The following ARHGAP15 variants were observed in gnomAD, a reference collection of about 807,000 sequenced individuals.
ARHGAP15 encodes the protein Rho GTPase activating protein 15.
ARHGAP15 carries 51 observed loss-of-function variants against 63.7 expected under a neutral mutation model. That is an observed-to-expected ratio of 0.80 (90% CI 0.64 to 1.01). ARHGAP15 has a LOEUF of 1.01. ARHGAP15 is among the 50% of genes least tolerant of loss of function. The pLI is 0.00. For synonymous variants in ARHGAP15, 191 were observed against 193.8 expected (o/e 0.99, Z 0.12); for missense variants, 560 against 564.6 (o/e 0.99, Z 0.08).
chr2:143,477,760 G>T (rs1305916511), intron 8 of ARHGAP15, among the ~76,000 whole-genome samples: 1 of 152,156 alleles, frequency 6.6e-6, no homozygotes, highest in African/African-American at 2.4e-5. Context: ...ATTAGCAATT[G>T]GAAGGAAGCA....
intron 6 of ARHGAP15, among the ~76,000 whole-genome samples, chr2:143,432,869 G>A (rs896713927): frequency 1.3e-5 from 2 of 152,026 alleles, no homozygotes; most frequent in Non-Finnish European, 2.9e-5. Context: ...AGGTTTCTAA[G>A]CAAGATGGAG....
intron 2 of ARHGAP15, among the ~76,000 whole-genome samples, chr2:143,158,043 A>G (rs980947279): frequency 6.6e-6 from 1 of 152,056 alleles, no homozygotes; most frequent in Admixed American, 6.6e-5. Flanking sequence ...TATATGGCAT[A>G]TGCATACTAC....
At chr2:143,137,956 C>T (rs1345020678) in intron 1 of ARHGAP15, among the ~76,000 whole-genome samples, 1 of 152,088 alleles carries the variant, frequency 6.6e-6, no homozygotes, top group African/African-American at 2.4e-5. Flanking sequence ...CCTATTCATA[C>T]TTTGATGGTT....
chr2:143,341,148 C>G (rs549170602), intron 6 of ARHGAP15, among the ~76,000 whole-genome samples: 28 of 152,156 alleles, frequency 1.8e-4, no homozygotes, highest in African/African-American at 6.5e-4. Context: ...GTCACATCAT[C>G]CATTAGATAT....
chr2:143,645,588 G>A (rs936024787), intron 12 of ARHGAP15, among the ~76,000 whole-genome samples: 11 of 151,874 alleles, frequency 7.2e-5, no homozygotes, highest in Middle Eastern at 3.4e-3. Flanking sequence ...CTGAAATGTC[G>A]TCAATACTTT....
chr2:143,145,790 G>A (rs1035160197), intron 1 of ARHGAP15, among the ~76,000 whole-genome samples: 2 of 151,318 alleles, frequency 1.3e-5, no homozygotes, highest in East Asian at 2.0e-4. Flanking sequence ...GCCAGTTCCC[G>A]GTTCTTTCAG....
At chr2:143,625,886 T>G (rs1194386760) in intron 12 of ARHGAP15, among the ~76,000 whole-genome samples, 1 of 152,164 alleles carries the variant, frequency 6.6e-6, no homozygotes, top group South Asian at 2.1e-4. Context: ...TATGTGCTAT[T>G]TGGGGGCTAT....
chr2:143,315,169 T>C (rs1011968618), intron 6 of ARHGAP15, among the ~76,000 whole-genome samples: 9 of 152,154 alleles, frequency 5.9e-5, no homozygotes, highest in Non-Finnish European at 1.3e-4. Context: ...TTTTAACATA[T>C]CAGCCTTTCA....
intron 6 of ARHGAP15, among the ~76,000 whole-genome samples, chr2:143,273,610 G>T (rs1043478278): frequency 1.3e-5 from 2 of 152,062 alleles, no homozygotes; most frequent in Admixed American, 6.5e-5. Context: ...AAATCATAAT[G>T]CATGTCCTTA....
intron 8 of ARHGAP15, among the ~76,000 whole-genome samples, chr2:143,439,901 A>G (rs569175257): frequency 1.3e-5 from 2 of 152,276 alleles, no homozygotes; most frequent in East Asian, 3.9e-4. Context: ...CCAAAAACTT[A>G]TTGGCAAAAA....
intron 11 of ARHGAP15, among the ~76,000 whole-genome samples, chr2:143,584,941 T>C (rs988675835): frequency 2.0e-5 from 3 of 152,228 alleles, no homozygotes; most frequent in African/African-American, 7.2e-5. Context: ...CTTTGGAATG[T>C]CTTGCTAATA....
intron 12 of ARHGAP15, among the ~76,000 whole-genome samples, chr2:143,669,821 A>G (rs1559116322): frequency 6.6e-6 from 1 of 152,194 alleles, no homozygotes; most frequent in East Asian, 1.9e-4. Context: ...CCTGAAGGAC[A>G]GGGAGATGGC....
chr2:143,317,775 T>TA (rs1048096571), intron 6 of ARHGAP15, among the ~76,000 whole-genome samples: 4 of 152,146 alleles, frequency 2.6e-5, no homozygotes, highest in African/African-American at 9.7e-5. Context: ...TGGACTGGAT[T>TA]AAGAGGCTGC....
chr2:143,449,993 A>G (rs1690332187), intron 8 of ARHGAP15, among the ~76,000 whole-genome samples: 1 of 152,008 alleles, frequency 6.6e-6, no homozygotes, highest in South Asian at 2.1e-4. Flanking sequence ...GCCTAGATTC[A>G]CTTCACTTAT....
intron 6 of ARHGAP15, among the ~76,000 whole-genome samples, chr2:143,290,704 C>T (rs937135613): frequency 2.0e-5 from 3 of 152,026 alleles, no homozygotes; most frequent in Admixed American, 6.6e-5. Flanking sequence ...ATAATGGATA[C>T]ACAATGTAGG....
chr2:143,364,099 C>T (rs1369038613), intron 6 of ARHGAP15, among the ~76,000 whole-genome samples: 1 of 152,038 alleles, frequency 6.6e-6, no homozygotes, highest in Non-Finnish European at 1.5e-5. Flanking sequence ...TTGATGTTGT[C>T]TTAAGAGGTA....
At chr2:143,416,829 ACCCCCACGCCCCCACG>A (rs869271808) in intron 6 of ARHGAP15, among the ~76,000 whole-genome samples, 4,552 of 104,576 alleles carry the variant, frequency 0.044, 83 homozygotes, top group East Asian at 0.15. Flanking sequence ...CCACCCCCCC[ACCCCCACGCCCCCACG>A]CCCCCACGCC....
At chr2:143,413,967 G>GCA (rs1553476590) in intron 6 of ARHGAP15, among the ~76,000 whole-genome samples, 3 of 26,664 alleles carry the variant, frequency 1.1e-4, no homozygotes, top group Non-Finnish European at 2.4e-4. Context: ...GTGTGTGTGT[G>GCA]CGCGCTCTCT....
chr2:143,767,914 T>C (rs1574942262), intron 13 of ARHGAP15, 75 bp from the exon 14 acceptor site: 11 of 1,399,686 alleles, frequency 7.9e-6, no homozygotes, highest in African/African-American at 1.4e-5. Flanking sequence ...GAGAAACCTT[T>C]TTTAATCACT....
Sources: allele counts gnomAD v4.1 joint callset (sites outside exome capture counted in the v4.1 genomes callset), GRCh38; gene constraint gnomAD v4.1.1; transcripts MANE v1.5; gene names NCBI Gene and HGNC (gene_info 2026-07-23, HGNC 2026-07-21).